Variants in ANXA8 observed in about 807,000 individuals in gnomAD.
ANXA8 encodes annexin A8.
A neutral mutation model predicts 26.8 loss-of-function variants in ANXA8; 9 were observed. The observed-to-expected ratio is 0.34, with a 90% confidence interval of 0.20 to 0.59. ANXA8 has a LOEUF of 0.59. Ranked by LOEUF, ANXA8 falls within the 20% of genes least tolerant of loss-of-function variation. The probability of loss-of-function intolerance (pLI) is 0.84; values close to 1 mark genes in which losing one functional copy is unlikely to be tolerated. For missense variants in ANXA8, 83 were observed against 238.5 expected, an observed-to-expected ratio of 0.35 and a Z score of 4.29; for synonymous variants, 39 against 94.8, an observed-to-expected ratio of 0.41 and a Z score of 3.42.
the ANXA8 span, among the ~76,000 whole-genome samples, chr10:47,595,076 A>G: frequency 6.7e-6 from 1 of 148,848 alleles, no homozygotes; most frequent in African/African-American, 2.6e-5. Flanking sequence ...TTCTCAGAAG[A>G]AACCTTACAA....
the ANXA8 span, chr10:47,503,002 C>T: frequency 4.4e-6 from 7 of 1,585,640 alleles, 1 homozygote; most frequent in East Asian, 1.2e-4. Context: ...GGGGCTGAAG[C>T]ATATGGAGTC....
At chr10:47,930,212 T>TAAAA in the ANXA8 span, among the ~76,000 whole-genome samples, 1 of 150,394 alleles carries the variant, frequency 6.6e-6, no homozygotes, top group East Asian at 2.0e-4. Context: ...GAAGATTAAT[T>TAAAA]TCCTGGCTGG....
At chr10:47,560,579 C>G in the ANXA8 span, among the ~76,000 whole-genome samples, 1 of 151,830 alleles carries the variant, frequency 6.6e-6, no homozygotes, top group Non-Finnish European at 1.5e-5. Context: ...TGAGATTTGC[C>G]TGTTTGACCA....
At chr10:47,682,469 C>CTTTTTTTTTTTTTTT in the ANXA8 span, among the ~76,000 whole-genome samples, 1 of 121,652 alleles carries the variant, frequency 8.2e-6, no homozygotes, top group South Asian at 2.5e-4. Context: ...CTTTCTTTTT[C>CTTTTTTTTTTTTTTT]TTTTTTTTTT....
At chr10:47,556,933 T>C in the ANXA8 span, among the ~76,000 whole-genome samples, 9 of 150,108 alleles carry the variant, frequency 6.0e-5, no homozygotes, top group Middle Eastern at 3.4e-3. Flanking sequence ...TAAGATGGTA[T>C]TTGCCTACTT....
chr10:47,587,908 T>A, the ANXA8 span, among the ~76,000 whole-genome samples: 13 of 146,264 alleles, frequency 8.9e-5, 3 homozygotes, highest in African/African-American at 3.3e-4. Context: ...GGCTGTGAAC[T>A]GGGGTGACCC....
the ANXA8 span, among the ~76,000 whole-genome samples, chr10:47,585,182 C>T: frequency 8.2e-6 from 1 of 121,904 alleles, no homozygotes; most frequent in Non-Finnish European, 1.6e-5. Flanking sequence ...GACAACGGCT[C>T]AAACCTGGGA....
At chr10:47,733,213 CTTTCTTTCTCTTTCTTTCTCTCTT>C in the ANXA8 span, among the ~76,000 whole-genome samples, 436 of 68,432 alleles carry the variant, frequency 6.4e-3, 17 homozygotes, top group Admixed American at 0.029. Context: ...TTCTTTCTTT[CTTTCTTTCTCTTTCTTTCTCTCTT>C]TCTTTCTTTC....
At chr10:47,698,045 AATAGGATT>A in the ANXA8 span, among the ~76,000 whole-genome samples, 1 of 150,306 alleles carries the variant, frequency 6.7e-6, no homozygotes, top group Non-Finnish European at 1.5e-5. Context: ...AAATAGAGTT[AATAGGATT>A]TTCTGATGAT....
the ANXA8 span, among the ~76,000 whole-genome samples, chr10:47,660,244 T>G: frequency 1.4e-5 from 2 of 147,610 alleles, no homozygotes; most frequent in Non-Finnish European, 3.0e-5. Context: ...ATAATTCATA[T>G]AATTCATGGC....
At chr10:47,701,775 G>A in the ANXA8 span, among the ~76,000 whole-genome samples, 2 of 151,696 alleles carry the variant, frequency 1.3e-5, no homozygotes, top group African/African-American at 2.4e-5. Context: ...AATGGGAACA[G>A]GATAGCAGGG....
At chr10:47,939,303 C>CAAA in the ANXA8 span, among the ~76,000 whole-genome samples, 13 of 81,108 alleles carry the variant, frequency 1.6e-4, 1 homozygote, top group East Asian at 4.9e-4. Flanking sequence ...AACTCTGTCT[C>CAAA]AAAAAAAAAA....
At chr10:47,675,381 C>T in the ANXA8 span, among the ~76,000 whole-genome samples, 2 of 151,374 alleles carry the variant, frequency 1.3e-5, no homozygotes, top group Admixed American at 1.3e-4. Context: ...AATCATTCTA[C>T]TCTAGTATAC....
chr10:47,530,312 C>A, the ANXA8 span, among the ~76,000 whole-genome samples: 2 of 146,632 alleles, frequency 1.4e-5, no homozygotes, highest in Non-Finnish European at 3.0e-5. Flanking sequence ...CCTGTCAGAG[C>A]ACTTGCCCCA....
the ANXA8 span, among the ~76,000 whole-genome samples, chr10:47,681,522 A>AATTTTTT: frequency 7.2e-5 from 6 of 82,894 alleles, no homozygotes; most frequent in Non-Finnish European, 1.0e-4. Flanking sequence ...TTTTATTTTT[A>AATTTTTT]CTTTTTTTTT....
chr10:47,894,982 ACT>A, the ANXA8 span, among the ~76,000 whole-genome samples: 4 of 151,610 alleles, frequency 2.6e-5, no homozygotes, highest in African/African-American at 7.3e-5. Flanking sequence ...TACCACACAC[ACT>A]CTACATAATA....
chr10:47,955,012 C>T, the ANXA8 span, among the ~76,000 whole-genome samples: 190 of 147,154 alleles, frequency 1.3e-3, no homozygotes, highest in African/African-American at 4.4e-3. Flanking sequence ...GTGTCCCCAC[C>T]CAAATCTCAT....
At chr10:47,657,264 A>C in the ANXA8 span, among the ~76,000 whole-genome samples, 2 of 151,678 alleles carry the variant, frequency 1.3e-5, no homozygotes, top group Non-Finnish European at 2.9e-5. Context: ...GGGTCTTGCT[A>C]TGTTGTCCAG....
At chr10:47,693,760 G>T in the ANXA8 span, among the ~76,000 whole-genome samples, 1 of 151,594 alleles carries the variant, frequency 6.6e-6, no homozygotes, top group Admixed American at 6.6e-5. Context: ...ATACCTCTTT[G>T]CTTGTGATTT....
Sources: gnomAD v4.1 joint callset for allele counts (sites outside exome capture counted in the v4.1 genomes callset) on GRCh38, gnomAD v4.1.1 for gene constraint, MANE v1.5 for transcripts, NCBI Gene and HGNC (gene_info 2026-07-23, HGNC 2026-07-21) for gene names.